Variants in PTPRN2 observed in about 807,000 individuals in gnomAD.
PTPRN2 encodes the protein receptor-type tyrosine-protein phosphatase N2.
PTPRN2 carries 74 observed loss-of-function variants against 118.8 expected under a neutral mutation model. That is an observed-to-expected ratio of 0.62 (90% CI 0.52 to 0.76). PTPRN2 has a LOEUF of 0.76. Ranked by LOEUF, PTPRN2 falls within the 30% of genes least tolerant of loss-of-function variation. The pLI, the probability that PTPRN2 is intolerant of heterozygous loss-of-function variation, is 0.00. For synonymous variants in PTPRN2, 641 were observed against 608.0 expected (o/e 1.05, Z -0.80); for missense variants, 1,481 against 1,394.4 (o/e 1.06, Z -0.99).
rs1286167067 is a variant in PTPRN2, at chr7:158,563,980, C to T, written c.112+23578G>A. Among the ~76,000 whole-genome samples, 1 of 152,152 alleles carries T rather than the reference C, an allele frequency of 6.6e-6. No individual in the cohort carries two copies. Among genetic ancestry groups the T allele is most frequent in the African/African-American group, 2.4e-5 (1 of 41,402 alleles). ...TACGAAACACACATCATGACAGCTC[C>T]TGCATCAGGGGGCTGCTGGGATGAT... On this transcript the variant is annotated intron_variant, in intron 1 of 22. Transcript: ENST00000389418. This position sits in a 1 kb window ranked among gnomAD's most constrained non-coding sequence, Gnocchi z 5.1.
intron 21 of PTPRN2, among the ~76,000 whole-genome samples, chr7:157,567,890 C>T (rs942053331): frequency 6.6e-6 from 1 of 152,190 alleles, no homozygotes; most frequent in Non-Finnish European, 1.5e-5. Context: ...GGACACATCT[C>T]TCTGCCCTGG....
intron 9 of PTPRN2, among the ~76,000 whole-genome samples, chr7:158,118,457 A>C (rs1816898876): frequency 6.6e-6 from 1 of 152,236 alleles, no homozygotes; most frequent in Non-Finnish European, 1.5e-5. Flanking sequence ...TACTAAACAC[A>C]AAAGAAGATA....
intron 1 of PTPRN2, among the ~76,000 whole-genome samples, chr7:158,508,401 C>A (rs980084574): frequency 6.6e-6 from 1 of 152,098 alleles, no homozygotes; most frequent in African/African-American, 2.4e-5. Context: ...CAAGGAGAGT[C>A]AGGAGTGAGG....
At chr7:158,337,679 C>T (rs867066040) in intron 2 of PTPRN2, among the ~76,000 whole-genome samples, 2,605 of 126,940 alleles carry the variant, frequency 0.021, 114 homozygotes, top group Non-Finnish European at 0.037. Context: ...CACCTGCAGA[C>T]GTCACTCACA....
chr7:157,850,449 C>T (rs1364172860), intron 12 of PTPRN2, among the ~76,000 whole-genome samples: 1 of 152,132 alleles, frequency 6.6e-6, no homozygotes, highest in Non-Finnish European at 1.5e-5. Flanking sequence ...GTGCCTCACG[C>T]TCGCATAAGG....
chr7:158,402,121 C>G (rs933292790), intron 2 of PTPRN2, among the ~76,000 whole-genome samples: 5 of 152,128 alleles, frequency 3.3e-5, no homozygotes, highest in Admixed American at 6.5e-5. Context: ...CCAGCCACCC[C>G]CTCCAAACAC....
At chr7:158,527,691 G>T (rs1477069567) in intron 1 of PTPRN2, among the ~76,000 whole-genome samples, 1 of 152,164 alleles carries the variant, frequency 6.6e-6, no homozygotes, top group African/African-American at 2.4e-5. Context: ...CTCTGTGGGG[G>T]GGTCTCACAG....
rs941101702 is a variant in PTPRN2, at chr7:157,650,451, G to A, written c.2196+5906C>T. Among the ~76,000 whole-genome samples, 6 of 152,260 alleles carry A rather than the reference G, an allele frequency of 3.9e-5. No individual in the cohort carries two copies. The East Asian group carries it at 9.6e-4, about 24-fold the overall frequency. On this transcript the variant is annotated intron_variant, in intron 14 of 22. Coordinates refer to ENST00000389418, the MANE Select transcript of PTPRN2 (RefSeq NM_002847.5). ...CCGGCATCGTCCAGACAGCAGCAACGGCCTGCCGTGTCTGTGAACGCAGGC... is the reference window on the plus strand; with the variant it reads ...CCGGCATCGTCCAGACAGCAGCAACAGCCTGCCGTGTCTGTGAACGCAGGC...
At chr7:157,805,601 T>C (rs1805584380) in intron 12 of PTPRN2, among the ~76,000 whole-genome samples, 1 of 152,234 alleles carries the variant, frequency 6.6e-6, no homozygotes. Flanking sequence ...GTTGTGTCGT[T>C]ATGTCTAGTG....
chr7:157,988,096 A>T (rs1338293703), intron 11 of PTPRN2, among the ~76,000 whole-genome samples: 1 of 152,278 alleles, frequency 6.6e-6, no homozygotes, highest in East Asian at 1.9e-4. Context: ...ATGCAGACGG[A>T]GAGGAGAAGC....
chr7:157,701,549 C>T (rs7786292), intron 12 of PTPRN2, among the ~76,000 whole-genome samples: 61,902 of 152,060 alleles, frequency 0.41, 13,826 homozygotes, highest in Non-Finnish European at 0.52. Flanking sequence ...GTGTCTGCTC[C>T]GGCAGCTCCA....
intron 13 of PTPRN2, among the ~76,000 whole-genome samples, chr7:157,661,312 G>A (rs1368384982): frequency 6.6e-6 from 1 of 152,284 alleles, no homozygotes; most frequent in Non-Finnish European, 1.5e-5. Context: ...GCCCCCGAAA[G>A]CTTGGCGCAG....
At chr7:158,103,703 C>T (rs1815432903) in intron 10 of PTPRN2, among the ~76,000 whole-genome samples, 1 of 152,158 alleles carries the variant, frequency 6.6e-6, no homozygotes, top group Middle Eastern at 3.2e-3. Context: ...CTGCTCTGTG[C>T]CAGGTCAGTG....
intron 9 of PTPRN2, among the ~76,000 whole-genome samples, chr7:158,111,939 G>A (rs1026529760): frequency 9.2e-5 from 14 of 152,190 alleles, no homozygotes; most frequent in South Asian, 2.1e-4. Flanking sequence ...ACTGGTGTCC[G>A]TATAAAAGGA....
In PTPRN2 at chr7:158,396,138, G is replaced by C. The variant is rs541307221; in HGVS notation, c.164-79206C>G. 5.3e-5 allele frequency among the ~76,000 whole-genome samples: 8 copies of C among 152,312 alleles called. No homozygotes were observed. In the South Asian group the frequency reaches 1.7e-3, roughly 32 times the overall value. On this transcript the variant is annotated intron_variant, in intron 2 of 22. Transcript: ENST00000389418. ...AAGGCCGGGACACGCACAGGGCAGC[G>C]GGCAGCCAGTGCCACGTGGGCTGAG...
Position 157,540,849 on chromosome 7 carries a change from G to T in PTPRN2, c.2977-64C>A, listed in dbSNP as rs1433908649. Reference sequence around the variant, plus strand: ...GCGTCCCCCCGACTCCTGCCACAGCGTCGGCTCCCTGCAGATGAAAGCGGC... The same window carrying T: ...GCGTCCCCCCGACTCCTGCCACAGCTTCGGCTCCCTGCAGATGAAAGCGGC... On this transcript the variant is annotated intron_variant, in intron 22 of 22. Coordinates refer to ENST00000389418, the MANE Select transcript of PTPRN2 (RefSeq NM_002847.5). 2.3e-6 allele frequency: 3 copies of T among 1,321,684 alleles called. 1 individual carries two copies. The highest frequency in any genetic ancestry group is 3.2e-6 in the Non-Finnish European group (3 of 941,640). 81.9% of individuals were successfully genotyped at this position (1,321,684 alleles called of 1,614,324 possible).
rs1460657753 is a variant in PTPRN2 at position 158,400,104 on chromosome 7, TTA to T, written c.164-83174_164-83173del. 6.6e-5 allele frequency among the ~76,000 whole-genome samples: 10 copies of T among 152,288 alleles called. 2 individuals are homozygous for T. Among genetic ancestry groups the T allele is most frequent in the African/African-American group, 2.4e-4 (10 of 41,562 alleles). ...CGCTTTTCTCATGTAACAGATGCCT[TTA>T]TGTCATCGTTAAAGCTGTGCTTTCT... On this transcript the variant is annotated intron_variant, in intron 2 of 22. Coordinates refer to ENST00000389418, the MANE Select transcript of PTPRN2 (RefSeq NM_002847.5).
intron 14 of PTPRN2, among the ~76,000 whole-genome samples, chr7:157,652,309 G>A (rs1318479630): frequency 6.6e-6 from 1 of 152,186 alleles, no homozygotes; most frequent in Non-Finnish European, 1.5e-5. Context: ...TCTCAGGATG[G>A]GCGGCATCTC....
At position 158,083,969 on chromosome 7, in the gene PTPRN2, C is replaced by T. The variant is rs370534381; in HGVS notation, c.1644-2592G>A. ...CTGACGTGGGAAGAAGTCTCTATCCCGAGGCCCCACTACAGGTCTAACTCC... is the reference window on the plus strand; with the variant it reads ...CTGACGTGGGAAGAAGTCTCTATCCTGAGGCCCCACTACAGGTCTAACTCC... On this transcript the variant is annotated intron_variant, in intron 10 of 22. Transcript: ENST00000389418. 8.4e-3 allele frequency among the ~76,000 whole-genome samples: 274 copies of T among 32,536 alleles called. 2 individuals carry two copies. The East Asian group carries it at 0.26, about 31-fold the overall frequency. The allele number at this position is 32,536 out of a possible 152,430, so 21.3% of individuals were successfully genotyped here.
Sources: allele counts gnomAD v4.1 joint callset (sites outside exome capture counted in the v4.1 genomes callset), GRCh38; gene constraint gnomAD v4.1.1; non-coding constraint Gnocchi (gnomAD v3.1); transcripts MANE v1.5; gene names NCBI Gene and HGNC (gene_info 2026-07-23, HGNC 2026-07-21).